The following RARB variants were observed in gnomAD, a reference collection of about 807,000 sequenced individuals.
RARB encodes HBV-activated protein.
In RARB, 17 loss-of-function variants were observed where a neutral mutation model predicts 51.9. The ratio of observed to expected loss-of-function variants is 0.33; its 90% CI spans 0.22 to 0.49. The LOEUF (loss-of-function observed/expected upper bound fraction) is 0.49, where lower values mean the gene tolerates loss of function less well. Ranked by LOEUF, RARB falls within the 20% of genes least tolerant of loss-of-function variation. The pLI is 0.99. For synonymous variants in RARB, 215 were observed against 195.4 expected, an observed-to-expected ratio of 1.10 and a Z score of -0.84; for missense variants, 369 against 550.8, an observed-to-expected ratio of 0.67 and a Z score of 3.30.
intron 2 of RARB, among the ~76,000 whole-genome samples, chr3:24,960,987 G>A (rs752954465): frequency 6.6e-6 from 1 of 152,030 alleles, no homozygotes; most frequent in Non-Finnish European, 1.5e-5. Context: ...CTGTGACAGG[G>A]GCCAGGAATT....
intron 3 of RARB, among the ~76,000 whole-genome samples, chr3:25,081,552 C>A (rs13327331): frequency 0.016 from 1,838 of 118,250 alleles, 41 homozygotes; most frequent in African/African-American, 0.049. Flanking sequence ...GTGCCTATTT[C>A]TCCTTTTACT....
intron 2 of RARB, among the ~76,000 whole-genome samples, chr3:25,040,750 C>CA (rs1344069274): frequency 2.0e-5 from 3 of 151,992 alleles, no homozygotes; most frequent in East Asian, 3.9e-4. Context: ...GACTCTGTCT[C>CA]AAAAAAATAA....
chr3:25,352,038 A>T (rs1304672246), intron 5 of RARB, among the ~76,000 whole-genome samples: 1 of 152,184 alleles, frequency 6.6e-6, no homozygotes, highest in Non-Finnish European at 1.5e-5. Context: ...CTGAATGCAA[A>T]CACTGCTCCA....
chr3:25,091,034 T>G (rs1319014610), intron 3 of RARB, among the ~76,000 whole-genome samples: 1 of 152,184 alleles, frequency 6.6e-6, no homozygotes, highest in East Asian at 1.9e-4. Flanking sequence ...ATTATTTAAT[T>G]GGGGAATGGG....
intron 2 of RARB, among the ~76,000 whole-genome samples, chr3:24,910,357 C>G (rs1694967089): frequency 6.6e-6 from 1 of 152,102 alleles, no homozygotes; most frequent in South Asian, 2.1e-4. Context: ...ATGTCTAGCT[C>G]TTCTTACCCA....
intron 4 of RARB, among the ~76,000 whole-genome samples, chr3:25,138,130 G>T (rs1273455710): frequency 6.6e-6 from 1 of 152,110 alleles, no homozygotes; most frequent in Non-Finnish European, 1.5e-5. Context: ...TCTTCAGGGA[G>T]CTACAAGCCT....
chr3:25,498,904 T>A (rs760718966), intron 2 of RARB, among the ~76,000 whole-genome samples: 55 of 152,126 alleles, frequency 3.6e-4, no homozygotes, highest in Non-Finnish European at 6.3e-4. Context: ...TGTTTTTAGA[T>A]GACCACTCTG....
intron 5 of RARB, among the ~76,000 whole-genome samples, chr3:25,388,217 T>G (rs1254781040): frequency 2.0e-5 from 3 of 152,224 alleles, no homozygotes; most frequent in African/African-American, 7.2e-5. Context: ...CAGCATTGCA[T>G]AAATTTCTTC....
intron 3 of RARB, among the ~76,000 whole-genome samples, chr3:25,107,978 A>T (rs1247449964): frequency 6.6e-6 from 1 of 152,142 alleles, no homozygotes; most frequent in Non-Finnish European, 1.5e-5. Context: ...ACTTTTGCAC[A>T]TTGGGGACAA....
intron 5 of RARB, among the ~76,000 whole-genome samples, chr3:25,380,531 CT>C (rs1403791988): frequency 6.6e-6 from 1 of 152,132 alleles, no homozygotes; most frequent in African/African-American, 2.4e-5. Context: ...TTATTTCCCC[CT>C]CTTTCCTCCA....
chr3:25,339,664 A>T (rs1411384838), intron 5 of RARB, among the ~76,000 whole-genome samples: 1 of 151,366 alleles, frequency 6.6e-6, no homozygotes, highest in Non-Finnish European at 1.5e-5. Flanking sequence ...TAACACATAC[A>T]CCCACAAAGG....
intron 2 of RARB, among the ~76,000 whole-genome samples, chr3:25,474,669 G>T (rs1695866720): frequency 6.6e-6 from 1 of 152,144 alleles, no homozygotes; most frequent in African/African-American, 2.4e-5. Context: ...TATGTTTGTT[G>T]TGTTGAGCTG....
chr3:25,028,141 T>C (rs1439783045), intron 2 of RARB, among the ~76,000 whole-genome samples: 1 of 152,214 alleles, frequency 6.6e-6, no homozygotes, highest in African/African-American at 2.4e-5. Flanking sequence ...CCCTGGTGCT[T>C]TTCAAGGAGT....
chr3:25,596,078 G>A (rs939949631), intron 7 of RARB, among the ~76,000 whole-genome samples: 2 of 152,164 alleles, frequency 1.3e-5, no homozygotes, highest in Non-Finnish European at 2.9e-5. Context: ...CATAAAAGAC[G>A]AATGAAGTTC....
At chr3:25,065,213 G>C (rs371547263) in intron 3 of RARB, among the ~76,000 whole-genome samples, 1 of 151,062 alleles carries the variant, frequency 6.6e-6, no homozygotes, top group Non-Finnish European at 1.5e-5. Flanking sequence ...AACTCCTTGC[G>C]AACAACCTGA....
chr3:25,029,624 T>C (rs1697827483), intron 2 of RARB, among the ~76,000 whole-genome samples: 1 of 152,190 alleles, frequency 6.6e-6, no homozygotes, highest in Non-Finnish European at 1.5e-5. Flanking sequence ...GACTCTGACC[T>C]ATTTCTCACC....
intron 2 of RARB, among the ~76,000 whole-genome samples, chr3:24,944,257 C>T (rs1165606918): frequency 6.6e-6 from 1 of 152,174 alleles, no homozygotes; most frequent in African/African-American, 2.4e-5. Context: ...TCTCCATAGA[C>T]ATTGATCCCC....
At chr3:25,067,552 A>T (rs1698686808) in intron 3 of RARB, among the ~76,000 whole-genome samples, 2 of 152,154 alleles carry the variant, frequency 1.3e-5, no homozygotes, top group African/African-American at 4.8e-5. Flanking sequence ...TACAGTTCTG[A>T]TGTTTCCATT....
intron 5 of RARB, among the ~76,000 whole-genome samples, chr3:25,295,500 T>C (rs73154975): frequency 0.057 from 8,750 of 152,240 alleles, 675 homozygotes; most frequent in African/African-American, 0.18. Context: ...CCATTGTTTA[T>C]GTATTACCCA....
Sources: allele counts gnomAD v4.1 joint callset (sites outside exome capture counted in the v4.1 genomes callset), GRCh38; gene constraint gnomAD v4.1.1; transcripts MANE v1.5; gene names NCBI Gene and HGNC (gene_info 2026-07-23, HGNC 2026-07-21).